Variants in AIG1 observed in about 807,000 individuals in gnomAD.
AIG1 encodes androgen-induced gene 1 protein.
Under a neutral mutation model 31.4 loss-of-function variants are expected in AIG1, and 23 were observed. The ratio of observed to expected loss-of-function variants is 0.73; its 90% CI spans 0.53 to 1.04. AIG1 has a LOEUF of 1.04. Among genes scored for constraint, AIG1 ranks in the 50% least tolerant of loss-of-function variants. The pLI is 0.00. For synonymous variants in AIG1, 100 were observed against 110.5 expected (o/e 0.90, Z 0.60); for missense variants, 274 against 295.0 (o/e 0.93, Z 0.52).
chr6:143,261,750 T>A (rs910865473), intron 3 of AIG1, among the ~76,000 whole-genome samples: 1 of 152,210 alleles, frequency 6.6e-6, no homozygotes, highest in African/African-American at 2.4e-5. Flanking sequence ...AGAGGAAACC[T>A]CATAAACTTA....
intron 3 of AIG1, among the ~76,000 whole-genome samples, chr6:143,219,591 C>G (rs982367301): frequency 2.6e-5 from 4 of 152,192 alleles, no homozygotes; most frequent in Non-Finnish European, 5.9e-5. Flanking sequence ...AGAACAGATG[C>G]CTGTAGAACT....
intron 1 of AIG1, among the ~76,000 whole-genome samples, chr6:143,103,690 G>A (rs1780536945): frequency 6.6e-6 from 1 of 151,482 alleles, no homozygotes; most frequent in South Asian, 2.1e-4. Flanking sequence ...TGTATTTTTA[G>A]TAGAGACGGG....
chr6:143,316,532 T>C (rs113978828), intron 4 of AIG1, among the ~76,000 whole-genome samples: 11,275 of 152,072 alleles, frequency 0.074, 664 homozygotes, highest in East Asian at 0.28. Context: ...TAGTATTAAA[T>C]GCCTACATCA....
At chr6:143,114,937 C>G (rs1781613913) in intron 1 of AIG1, among the ~76,000 whole-genome samples, 1 of 152,192 alleles carries the variant, frequency 6.6e-6, no homozygotes, top group African/African-American at 2.4e-5. Flanking sequence ...AAGTGCCCAG[C>G]ACAGAGCCTG....
rs542297789 is a variant in AIG1, at chr6:143,156,427, C to T, written c.298-8655C>T. On this transcript the variant is annotated intron_variant, in intron 2 of 5. Coordinates refer to ENST00000357847, the MANE Select transcript of AIG1 (RefSeq NM_016108.4). ...AGAATAATGTGTAGAGTGCATTTTA[C>T]ATGCATAGAAAAAGATCTTGAAAGA... 2.6e-5 allele frequency among the ~76,000 whole-genome samples: 4 copies of T among 152,286 alleles called. No homozygotes were observed. In the South Asian group the frequency reaches 8.3e-4, roughly 32 times the overall value.
chr6:143,317,297 A>G (rs1407046706), intron 4 of AIG1, among the ~76,000 whole-genome samples: 1 of 152,174 alleles, frequency 6.6e-6, no homozygotes, highest in Non-Finnish European at 1.5e-5. Context: ...TATGAAAAAG[A>G]TAATCCACCA....
In AIG1 at chr6:143,330,799, G is replaced by A. The variant is rs773132802; in HGVS notation, c.516-2483G>A. 6.6e-6 allele frequency among the ~76,000 whole-genome samples: 1 copy of A among 152,174 alleles called. No homozygotes were observed. Among genetic ancestry groups the A allele is most frequent in the Non-Finnish European group, 1.5e-5 (1 of 68,038 alleles). The stretch of plus-strand genomic sequence containing the variant: ...GGGAATATTGCATATTCTCTCCATG[G>A]AAATTAATAAACCATTTGATGGGTA... On this transcript the variant is annotated intron_variant, in intron 4 of 5. Transcript: ENST00000357847. This position sits in a 1 kb window ranked among gnomAD's most constrained non-coding sequence, Gnocchi z 4.4.
chr6:143,293,579 C>A lies in AIG1; in HGVS notation c.515+9354C>A. ...GTGTTGGTCAAATCAGCTTCTTAGA[C>A]CTGCATCTGGACAGAAAAGGCTTGT... is the stretch of plus-strand genomic sequence containing the variant. On this transcript the variant is annotated intron_variant, in intron 4 of 5. Coordinates refer to ENST00000357847, the MANE Select transcript of AIG1 (RefSeq NM_016108.4). The surrounding 1 kb of genome is among the most constrained non-coding windows in gnomAD (Gnocchi z 4.8). Among the ~76,000 whole-genome samples the A allele has an allele frequency of 6.6e-6, 1 of 152,170 alleles. No homozygotes were observed.
chr6:143,090,484 A>G (rs540640709), intron 1 of AIG1, among the ~76,000 whole-genome samples: 106 of 152,356 alleles, frequency 7.0e-4, no homozygotes, highest in African/African-American at 2.2e-3. Context: ...TTGTTTTCCA[A>G]TATAGGCATA....
In AIG1 at chr6:143,246,956, T is replaced by C. The variant is rs1419893658; in HGVS notation, c.400-37154T>C. Reference sequence around the variant, plus strand: ...GCTATGGTTTATGACAGGAAAAGGATACAGAATAATGTCAGCCAAGGGAAG... The same window carrying C: ...GCTATGGTTTATGACAGGAAAAGGACACAGAATAATGTCAGCCAAGGGAAG... On this transcript the variant is annotated intron_variant, in intron 3 of 5. Coordinates refer to ENST00000357847, the MANE Select transcript of AIG1 (RefSeq NM_016108.4). 1.8e-4 allele frequency among the ~76,000 whole-genome samples: 27 copies of C among 151,788 alleles called. 1 individual carries two copies. The highest frequency in any genetic ancestry group is 1.6e-3 in the Admixed American group (24 of 15,266).
At chr6:143,070,494 A>G (rs1777146884) in intron 1 of AIG1, among the ~76,000 whole-genome samples, 1 of 152,108 alleles carries the variant, frequency 6.6e-6, no homozygotes, top group African/African-American at 2.4e-5. Flanking sequence ...TTGTGTTGCT[A>G]TCACAGAATA....
At chr6:143,083,178 C>T (rs1306938229) in intron 1 of AIG1, among the ~76,000 whole-genome samples, 2 of 152,214 alleles carry the variant, frequency 1.3e-5, no homozygotes, top group African/African-American at 4.8e-5. Flanking sequence ...GGTTTGGAAA[C>T]CTTGTAGCCA....
intron 3 of AIG1, among the ~76,000 whole-genome samples, chr6:143,207,279 G>A (rs1471978701): frequency 6.6e-6 from 1 of 151,792 alleles, no homozygotes; most frequent in African/African-American, 2.4e-5. Context: ...TGTTTTTCTG[G>A]TGTTTGTATT....
At chr6:143,316,036 G>A (rs546899534) in intron 4 of AIG1, among the ~76,000 whole-genome samples, 1 of 152,018 alleles carries the variant, frequency 6.6e-6, no homozygotes, top group South Asian at 2.1e-4. Context: ...TTAAGACATA[G>A]GGGTATAAAA....
rs376887872 is a variant in AIG1 at position 143,291,143 on chromosome 6, A to G, written c.515+6918A>G. Among the ~76,000 whole-genome samples the G allele has an allele frequency of 6.6e-6, 1 of 152,214 alleles. No individual in the cohort carries two copies. The highest frequency in any genetic ancestry group is 2.4e-5 in the African/African-American group (1 of 41,444). On this transcript the variant is annotated intron_variant, in intron 4 of 5. Transcript: ENST00000357847. The surrounding 1 kb of genome is among the most constrained non-coding windows in gnomAD (Gnocchi z 4.2). ...CCTTATATCTCCTATTTAAGCAAGG[A>G]AAAGAGTCTTGGAAGGATATGGCAG...
At chr6:143,263,275 G>GTTTT (rs34950112) in intron 3 of AIG1, among the ~76,000 whole-genome samples, 3 of 146,554 alleles carry the variant, frequency 2.0e-5, no homozygotes, top group East Asian at 2.0e-4. Flanking sequence ...TCCTTTATTT[G>GTTTT]TTTTTTTTTT....
chr6:143,208,523 A>G (rs181184427), intron 3 of AIG1, among the ~76,000 whole-genome samples: 56 of 152,306 alleles, frequency 3.7e-4, no homozygotes, highest in African/African-American at 1.3e-3. Context: ...GTCTTGTTAG[A>G]CTGTCAAGGC....
intron 3 of AIG1, among the ~76,000 whole-genome samples, chr6:143,283,246 A>G (rs1325098050): frequency 6.6e-6 from 1 of 152,216 alleles, no homozygotes; most frequent in East Asian, 1.9e-4. Context: ...CAATAAACTT[A>G]GTGTCTAGAG....
intron 3 of AIG1, among the ~76,000 whole-genome samples, chr6:143,270,559 G>T (rs1796445185): frequency 6.6e-6 from 1 of 152,094 alleles, no homozygotes; most frequent in South Asian, 2.1e-4. Flanking sequence ...TTCTCCCTTG[G>T]CTTTTTCCTA....
Sources: allele counts gnomAD v4.1 joint callset (sites outside exome capture counted in the v4.1 genomes callset), GRCh38; gene constraint gnomAD v4.1.1; non-coding constraint Gnocchi (gnomAD v3.1); transcripts MANE v1.5; gene names NCBI Gene and HGNC (gene_info 2026-07-23, HGNC 2026-07-21).